Variants in TMCC1 observed in about 807,000 individuals in gnomAD.
TMCC1 encodes transmembrane and coiled-coil domain family 1.
Under a neutral mutation model 52.4 loss-of-function variants are expected in TMCC1, and 15 were observed. That is an observed-to-expected ratio of 0.29 (90% CI 0.19 to 0.44). The LOEUF is 0.44. Ranked by LOEUF, TMCC1 falls within the 20% of genes least tolerant of loss-of-function variation. TMCC1 has a pLI of 1.00. For missense variants in TMCC1, 503 were observed against 806.0 expected (o/e 0.62, Z 4.55); for synonymous variants, 279 against 301.9 (o/e 0.92, Z 0.79).
chr3:129,883,158 C>CAT (rs1491030827), intron 1 of TMCC1, among the ~76,000 whole-genome samples: 1 of 143,830 alleles, frequency 7.0e-6, no homozygotes, highest in Non-Finnish European at 1.5e-5. Context: ...CACACACACA[C>CAT]AAAATTAGCC....
chr3:129,767,536 C>T (rs148052538), intron 4 of TMCC1, among the ~76,000 whole-genome samples: 1 of 152,218 alleles, frequency 6.6e-6, no homozygotes, highest in East Asian at 1.9e-4. Flanking sequence ...CCACACTTTG[C>T]TAATTTTTAA....
At chr3:129,844,135 C>CA (rs899540558) in intron 2 of TMCC1, among the ~76,000 whole-genome samples, 34 of 152,138 alleles carry the variant, frequency 2.2e-4, no homozygotes, top group Admixed American at 9.2e-4. Flanking sequence ...GTGATCATAA[C>CA]AAAAAACGCA....
At chr3:129,886,626 G>A (rs1055159940) in intron 1 of TMCC1, among the ~76,000 whole-genome samples, 1 of 152,132 alleles carries the variant, frequency 6.6e-6, no homozygotes, top group East Asian at 1.9e-4. Context: ...TAAAAACACT[G>A]TTAAGTGAAA....
intron 4 of TMCC1, among the ~76,000 whole-genome samples, chr3:129,753,221 T>C (rs1023873934): frequency 4.6e-5 from 7 of 152,218 alleles, no homozygotes; most frequent in African/African-American, 1.7e-4. Context: ...AATGTTTACC[T>C]AAAAATGTAC....
intron 4 of TMCC1, among the ~76,000 whole-genome samples, chr3:129,672,109 G>A (rs1325117114): frequency 6.6e-6 from 1 of 152,184 alleles, no homozygotes; most frequent in Admixed American, 6.5e-5. Context: ...ATGTGGGTGA[G>A]AACCATTCAA....
At chr3:129,886,315 A>G (rs946865051) in intron 1 of TMCC1, among the ~76,000 whole-genome samples, 24 of 152,370 alleles carry the variant, frequency 1.6e-4, no homozygotes, top group African/African-American at 5.8e-4. Flanking sequence ...AGGAGAAAGT[A>G]GCATTCTTTC....
intron 4 of TMCC1, among the ~76,000 whole-genome samples, chr3:129,743,095 G>A (rs1378355562): frequency 6.6e-6 from 1 of 152,130 alleles, no homozygotes; most frequent in Non-Finnish European, 1.5e-5. Context: ...TAATAAAAAT[G>A]TTCTAAAATT....
chr3:129,866,292 T>C (rs2060632106), intron 2 of TMCC1, among the ~76,000 whole-genome samples: 1 of 143,644 alleles, frequency 7.0e-6, no homozygotes, highest in Non-Finnish European at 1.5e-5. Context: ...CATATATACA[T>C]AATATATAAT....
intron 4 of TMCC1, among the ~76,000 whole-genome samples, chr3:129,693,345 T>C (rs1022555977): frequency 5.3e-5 from 8 of 152,144 alleles, no homozygotes; most frequent in Non-Finnish European, 2.9e-5. Flanking sequence ...GGTTCTTTAC[T>C]TGTGAAAGAG....
intron 4 of TMCC1, among the ~76,000 whole-genome samples, chr3:129,743,239 C>T (rs1445246733): frequency 3.3e-5 from 5 of 152,164 alleles, no homozygotes; most frequent in African/African-American, 1.2e-4. Flanking sequence ...AATATTTCCA[C>T]AGACGAGTCT....
intron 4 of TMCC1, among the ~76,000 whole-genome samples, chr3:129,696,386 CA>C (rs772426952): frequency 2.0e-5 from 3 of 152,228 alleles, no homozygotes; most frequent in Non-Finnish European, 4.4e-5. Flanking sequence ...ATGTATTTCT[CA>C]AATGTATTTG....
chr3:129,675,224 A>T (rs1320472904), intron 4 of TMCC1, among the ~76,000 whole-genome samples: 2 of 152,268 alleles, frequency 1.3e-5, no homozygotes, highest in Non-Finnish European at 2.9e-5. Flanking sequence ...GCAGCACTGC[A>T]AAATAAGGAA....
At chr3:129,796,608 C>T (rs541792301) in intron 4 of TMCC1, among the ~76,000 whole-genome samples, 1 of 152,172 alleles carries the variant, frequency 6.6e-6, no homozygotes, top group Admixed American at 6.5e-5. Flanking sequence ...TCACTTGACA[C>T]CAGGAGTTCA....
At chr3:129,705,038 A>C (rs1351769295) in intron 4 of TMCC1, among the ~76,000 whole-genome samples, 1 of 152,250 alleles carries the variant, frequency 6.6e-6, no homozygotes, top group Non-Finnish European at 1.5e-5. Context: ...AAAGTACAGA[A>C]AATTAATGTC....
At chr3:129,723,124 C>A (rs1200774721) in intron 4 of TMCC1, among the ~76,000 whole-genome samples, 1 of 152,030 alleles carries the variant, frequency 6.6e-6, no homozygotes, top group Non-Finnish European at 1.5e-5. Context: ...ATGGTAAAAT[C>A]AAACTATAGG....
intron 3 of TMCC1, among the ~76,000 whole-genome samples, chr3:129,830,945 G>GT (rs1233124428): frequency 6.6e-6 from 1 of 151,952 alleles, no homozygotes; most frequent in East Asian, 1.9e-4. Context: ...TTTTGTTTTT[G>GT]TTTTTTTGAG....
chr3:129,772,082 G>A (rs1477250516), intron 4 of TMCC1, among the ~76,000 whole-genome samples: 3 of 152,154 alleles, frequency 2.0e-5, no homozygotes, highest in Admixed American at 6.5e-5. Flanking sequence ...ACTTTGGCCA[G>A]GTGTGGCAGT....
intron 4 of TMCC1, among the ~76,000 whole-genome samples, chr3:129,684,241 T>C (rs967577751): frequency 7.2e-5 from 11 of 152,188 alleles, no homozygotes; most frequent in Non-Finnish European, 1.2e-4. Context: ...AGACTGAGAA[T>C]CAATGCACAC....
In TMCC1 at chr3:129,746,089, C is replaced by G. The variant is rs559505625; in HGVS notation, c.577-74825G>C. 3.4e-4 allele frequency among the ~76,000 whole-genome samples: 52 copies of G among 151,128 alleles called. 1 individual carries two copies. Among genetic ancestry groups the G allele is most frequent in the African/African-American group, 1.2e-3 (50 of 41,300 alleles). ...TCTTTCCTTTTTCTCTTTTTAAATC[C>G]TTGCAAGGAGGGGGGTAAAAAAAAC... On this transcript the variant is annotated intron_variant, in intron 4 of 6. Coordinates refer to ENST00000393238, the MANE Select transcript of TMCC1 (RefSeq NM_001017395.5).
Sources: allele counts gnomAD v4.1 joint callset (sites outside exome capture counted in the v4.1 genomes callset), GRCh38; gene constraint gnomAD v4.1.1; transcripts MANE v1.5; gene names NCBI Gene and HGNC (gene_info 2026-07-23, HGNC 2026-07-21).